PCDH15: variants seen among roughly 807,000 people sequenced by gnomAD.
PCDH15 encodes protocadherin-15.
PCDH15 carries 129 observed loss-of-function variants against 178.5 expected under a neutral mutation model. That is an observed-to-expected ratio of 0.72 (90% confidence interval 0.63 to 0.84). The LOEUF (loss-of-function observed/expected upper bound fraction) is 0.84. PCDH15 is among the 40% of genes least tolerant of loss of function. PCDH15 has a pLI of 0.00. For missense variants in PCDH15, 2,230 were observed against 2,099.9 expected (o/e 1.06, Z -1.21); for synonymous variants, 800 against 732.0 (o/e 1.09, Z -1.50).
At chr10:54,659,912 A>G (rs2094465022) in intron 2 of PCDH15, among the ~76,000 whole-genome samples, 1 of 152,118 alleles carries the variant, frequency 6.6e-6, no homozygotes, top group Admixed American at 6.6e-5. Flanking sequence ...TAACTCACCA[A>G]AACTCTGGGA....
intron 18 of PCDH15, among the ~76,000 whole-genome samples, chr10:54,024,519 C>G (rs934007362): frequency 3.2e-4 from 49 of 152,228 alleles, no homozygotes; most frequent in Admixed American, 2.3e-3. Flanking sequence ...TTCTTTGAAA[C>G]AAGAATGTCT....
chr10:54,232,410 C>T (rs1156308868), intron 9 of PCDH15, among the ~76,000 whole-genome samples: 6 of 152,140 alleles, frequency 3.9e-5, no homozygotes, highest in Non-Finnish European at 1.5e-5. Flanking sequence ...TTATAAATCA[C>T]CCAGTAACAG....
At chr10:54,041,129 C>A (rs1248670208) in intron 18 of PCDH15, among the ~76,000 whole-genome samples, 1 of 152,084 alleles carries the variant, frequency 6.6e-6, no homozygotes, top group African/African-American at 2.4e-5. Flanking sequence ...GATGCCAATG[C>A]AGTGCCACAT....
intron 2 of PCDH15, among the ~76,000 whole-genome samples, chr10:55,613,536 C>T (rs1843413820): frequency 1.3e-5 from 2 of 152,092 alleles, no homozygotes; most frequent in Non-Finnish European, 2.9e-5. Context: ...TGAAAGGACA[C>T]CGGGAAAACA....
At chr10:55,404,501 T>G (rs556724100) in intron 2 of PCDH15, among the ~76,000 whole-genome samples, 9 of 152,104 alleles carry the variant, frequency 5.9e-5, no homozygotes, top group Middle Eastern at 3.4e-3. Flanking sequence ...TCTTACAGTT[T>G]TATATATAAA....
chr10:55,541,727 C>G (rs1045409380), intron 2 of PCDH15, among the ~76,000 whole-genome samples: 1 of 151,834 alleles, frequency 6.6e-6, no homozygotes, highest in Non-Finnish European at 1.5e-5. Context: ...AGCAAATTGA[C>G]ACTATTCATT....
intron 1 of PCDH15, among the ~76,000 whole-genome samples, chr10:54,730,960 GA>G (rs1943249566): frequency 6.6e-6 from 1 of 151,226 alleles, no homozygotes; most frequent in African/African-American, 2.4e-5. Context: ...AAACAATCTA[GA>G]AAGTAAAGAG....
intron 25 of PCDH15, among the ~76,000 whole-genome samples, chr10:53,924,039 C>G (rs1403763988): frequency 6.6e-6 from 1 of 152,204 alleles, no homozygotes; most frequent in East Asian, 1.9e-4. Context: ...GCAGCCCTCG[C>G]TTGATCTCAG....
At chr10:54,239,995 A>G (rs1296825576) in intron 8 of PCDH15, among the ~76,000 whole-genome samples, 1 of 152,152 alleles carries the variant, frequency 6.6e-6, no homozygotes, top group East Asian at 1.9e-4. Flanking sequence ...ACCTTGTTAA[A>G]TATTTAACAT....
intron 2 of PCDH15, among the ~76,000 whole-genome samples, chr10:54,645,900 G>A (rs2094120132): frequency 1.3e-5 from 2 of 152,130 alleles, no homozygotes; most frequent in East Asian, 1.9e-4. Flanking sequence ...GTAATCTAAT[G>A]AGAAAGTTAC....
intron 9 of PCDH15, among the ~76,000 whole-genome samples, chr10:54,236,496 T>A (rs1188605008): frequency 6.6e-6 from 1 of 152,104 alleles, no homozygotes; most frequent in African/African-American, 2.4e-5. Context: ...TCATTTTATA[T>A]TAAAGCTGAA....
chr10:54,666,029 A>T (rs1411501437), intron 1 of PCDH15, among the ~76,000 whole-genome samples: 1 of 152,086 alleles, frequency 6.6e-6, no homozygotes, highest in East Asian at 1.9e-4. Flanking sequence ...TTTGTCTCAC[A>T]TTTCTCATTA....
intron 2 of PCDH15, among the ~76,000 whole-genome samples, chr10:54,622,678 T>G: frequency 4.1e-5 from 1 of 24,160 alleles, no homozygotes; most frequent in African/African-American, 1.7e-4. Flanking sequence ...TTATATATAA[T>G]ATATATTATA....
At chr10:54,999,809 A>T (rs1839755977) in intron 2 of PCDH15, among the ~76,000 whole-genome samples, 1 of 152,242 alleles carries the variant, frequency 6.6e-6, no homozygotes, top group African/African-American at 2.4e-5. Flanking sequence ...AAAGGGACAG[A>T]ATACAAAAGA....
At chr10:54,327,878 A>C (rs529970932) in intron 7 of PCDH15, among the ~76,000 whole-genome samples, 1 of 152,144 alleles carries the variant, frequency 6.6e-6, no homozygotes, top group Non-Finnish European at 1.5e-5. Flanking sequence ...AGAGGAAGGT[A>C]TATACACCAT....
chr10:55,130,151 G>A (rs1838002710), intron 2 of PCDH15, among the ~76,000 whole-genome samples: 1 of 152,190 alleles, frequency 6.6e-6, no homozygotes, highest in African/African-American at 2.4e-5. Flanking sequence ...TGGAGTGGAT[G>A]TAGATGAGGG....
intron 2 of PCDH15, among the ~76,000 whole-genome samples, chr10:54,663,076 T>C (rs2094515793): frequency 6.6e-6 from 1 of 151,982 alleles, no homozygotes; most frequent in South Asian, 2.1e-4. Flanking sequence ...TATACTATTG[T>C]GAATTATTTT....
At chr10:55,527,783 G>C (rs905568972) in intron 2 of PCDH15, among the ~76,000 whole-genome samples, 1 of 151,858 alleles carries the variant, frequency 6.6e-6, no homozygotes, top group Non-Finnish European at 1.5e-5. Context: ...CAGCTGTTGT[G>C]AATGTACATT....
chr10:54,707,043 A>T (rs967765533), intron 1 of PCDH15, among the ~76,000 whole-genome samples: 1 of 152,206 alleles, frequency 6.6e-6, no homozygotes, highest in African/African-American at 2.4e-5. Context: ...GGGTTTACAC[A>T]TGTTAATAGT....
Sources: gnomAD v4.1 joint callset for allele counts (sites outside exome capture counted in the v4.1 genomes callset) on GRCh38, gnomAD v4.1.1 for gene constraint, MANE v1.5 for transcripts, NCBI Gene and HGNC (gene_info 2026-07-23, HGNC 2026-07-21) for gene names.